Variants in GNG7 observed in about 807,000 individuals in gnomAD.
The protein encoded by GNG7 is guanine nucleotide-binding protein G(I)/G(S)/G(O) subunit gamma-7.
A neutral mutation model predicts 4.0 loss-of-function variants in GNG7; 1 was observed. The observed-to-expected ratio is 0.25, with a 90% CI of 0.09 to 1.18. The LOEUF is 1.18. Ranked by LOEUF, GNG7 falls within the 50% of genes most tolerant of loss-of-function variation. The pLI is 0.50. For synonymous variants in GNG7, 34 were observed against 36.9 expected (o/e 0.92, Z 0.29); for missense variants, 86 against 91.9 (o/e 0.94, Z 0.26).
chr19:2,659,592 T>TAAA (rs879035849), intron 1 of GNG7, among the ~76,000 whole-genome samples: 1 of 43,468 alleles, frequency 2.3e-5, no homozygotes, highest in East Asian at 9.6e-4. Context: ...GACTCCATCT[T>TAAA]AAAAAAAAAA....
chr19:2,520,466 G>A (rs915148848), intron 4 of GNG7, 142 bp downstream of exon 4: 68 of 589,266 alleles, frequency 1.2e-4, no homozygotes, highest in Middle Eastern at 4.5e-4. Context: ...GGCTCAGAGA[G>A]GTTAAGGGAG....
intron 1 of GNG7, among the ~76,000 whole-genome samples, chr19:2,698,215 C>T (rs1359333164): frequency 1.3e-5 from 2 of 150,194 alleles, no homozygotes; most frequent in African/African-American, 2.5e-5. Flanking sequence ...TGCAGTGAGC[C>T]GAGATCGCAC....
intron 1 of GNG7, among the ~76,000 whole-genome samples, chr19:2,694,216 ATT>A (rs550699599): frequency 6.9e-6 from 1 of 144,216 alleles, no homozygotes; most frequent in Non-Finnish European, 1.5e-5. Context: ...TTTTGGGGAG[ATT>A]TTTTTGTTGC....
In GNG7 at chr19:2,583,907, C is replaced by A. The variant is rs992008544; in HGVS notation, c.-77-28719G>T. On this transcript the variant is annotated intron_variant, in intron 2 of 4. Transcript: ENST00000382159. The stretch of plus-strand genomic sequence containing the variant: ...TAATATATTGCTAAATTAAAAAAAA[C>A]AGATTAAAGAACAGTATCAATAGTG... 5.9e-5 allele frequency among the ~76,000 whole-genome samples: 9 copies of A among 151,748 alleles called. No individual in the cohort carries two copies. In the South Asian group the frequency reaches 6.2e-4, roughly 11 times the overall value.
intron 2 of GNG7, among the ~76,000 whole-genome samples, chr19:2,574,389 C>G (rs749004182): frequency 2.6e-5 from 4 of 152,168 alleles, no homozygotes; most frequent in African/African-American, 9.6e-5. Flanking sequence ...ACTCCCTGTC[C>G]CCCTCCCCAG....
chr19:2,692,614 GAC>G (rs1568286677), intron 1 of GNG7, among the ~76,000 whole-genome samples: 1 of 141,234 alleles, frequency 7.1e-6, no homozygotes, highest in Non-Finnish European at 1.5e-5. Flanking sequence ...CAGCCTGGGC[GAC>G]AGAGTGAGAC....
chr19:2,614,145 G>A lies in GNG7; in HGVS notation c.-78+32079C>T, dbSNP rs1317797835. 6.6e-6 allele frequency among the ~76,000 whole-genome samples: 1 copy of A among 152,200 alleles called. No homozygotes were observed. The highest frequency in any genetic ancestry group is 1.5e-5 in the Non-Finnish European group (1 of 68,022). On this transcript the variant is annotated intron_variant, in intron 2 of 4. Transcript: ENST00000382159. This position sits in a 1 kb window ranked among gnomAD's most constrained non-coding sequence, Gnocchi z 6.0. ...CACCACCCGGTGAACGGCACTGGGAGCAGACTCAAGAGGCTCGAGAGGTCC... is the reference window on the plus strand; with the variant it reads ...CACCACCCGGTGAACGGCACTGGGAACAGACTCAAGAGGCTCGAGAGGTCC...
chr19:2,516,258 T>G (rs1310065157), intron 4 of GNG7, among the ~76,000 whole-genome samples: 1 of 151,982 alleles, frequency 6.6e-6, no homozygotes, highest in Non-Finnish European at 1.5e-5. Context: ...ATGTGTGTCT[T>G]TTCCCAAAAT....
intron 1 of GNG7, among the ~76,000 whole-genome samples, chr19:2,695,362 T>A (rs1170131505): frequency 6.6e-6 from 1 of 152,094 alleles, no homozygotes; most frequent in Non-Finnish European, 1.5e-5. Context: ...CCCACCTCTG[T>A]GCCACCCTGG....
chr19:2,663,247 TGA>T (rs1176960846), intron 1 of GNG7, among the ~76,000 whole-genome samples: 4 of 152,194 alleles, frequency 2.6e-5, no homozygotes, highest in Non-Finnish European at 1.5e-5. Flanking sequence ...GCCACCATGT[TGA>T]GAGGTGAGAA....
intron 3 of GNG7, among the ~76,000 whole-genome samples, chr19:2,526,474 AT>A (rs1307543834): frequency 6.8e-6 from 1 of 147,682 alleles, no homozygotes; most frequent in Non-Finnish European, 1.5e-5. Context: ...ACATATTTAT[AT>A]ATTTTATTAT....
chr19:2,574,009 G>A (rs567243074), intron 2 of GNG7, among the ~76,000 whole-genome samples: 265 of 152,260 alleles, frequency 1.7e-3, no homozygotes, highest in African/African-American at 4.3e-3. Context: ...GAGTTCTGCC[G>A]CCTCGGGGAG....
intron 3 of GNG7, among the ~76,000 whole-genome samples, chr19:2,530,762 C>T (rs1978556814): frequency 6.6e-6 from 1 of 152,138 alleles, no homozygotes; most frequent in East Asian, 1.9e-4. Context: ...AGCATCTGCT[C>T]AAGGGCCTGC....
chr19:2,619,448 T>C (rs1414903530), intron 2 of GNG7, among the ~76,000 whole-genome samples: 2 of 152,206 alleles, frequency 1.3e-5, no homozygotes, highest in Non-Finnish European at 2.9e-5. Flanking sequence ...ACATAGTAAG[T>C]TCATAGCAAG....
intron 2 of GNG7, among the ~76,000 whole-genome samples, chr19:2,590,865 T>TCACCCATCCATCCATC (rs1568254838): frequency 1.5e-5 from 2 of 132,982 alleles, no homozygotes; most frequent in Non-Finnish European, 3.3e-5. Context: ...ACCCATCCAT[T>TCACCCATCCATCCATC]CACCCATCCA....
At chr19:2,519,701 G>C (rs940835500) in intron 4 of GNG7, among the ~76,000 whole-genome samples, 2 of 151,880 alleles carry the variant, frequency 1.3e-5, no homozygotes, top group East Asian at 3.9e-4. Flanking sequence ...CAGTTGAAGG[G>C]CTTAAGAGAA....
intron 2 of GNG7, among the ~76,000 whole-genome samples, chr19:2,621,531 C>G (rs138748094): frequency 9.4e-4 from 142 of 151,830 alleles, no homozygotes; most frequent in Middle Eastern, 3.4e-3. Flanking sequence ...AACCTCATCT[C>G]TACTAAAAAC....
chr19:2,550,271 G>A (rs964456218), intron 3 of GNG7, among the ~76,000 whole-genome samples: 17 of 152,190 alleles, frequency 1.1e-4, no homozygotes, highest in African/African-American at 2.9e-4. Flanking sequence ...AGGCTGGAGT[G>A]CAGTGGCGCA....
At position 2,531,757 on chromosome 19, in the gene GNG7, C is replaced by T. The variant is rs146178453; in HGVS notation, c.-37-11032G>A. Among the ~76,000 whole-genome samples, 975 of 140,388 alleles carry T rather than the reference C, an allele frequency of 6.9e-3. 11 individuals carry two copies. The highest frequency in any genetic ancestry group is 0.025 in the African/African-American group (925 of 36,642). The allele number at this position is 140,388 out of a possible 152,430, so 92.1% of individuals were successfully genotyped here. On this transcript the variant is annotated intron_variant, in intron 3 of 4. Transcript: ENST00000382159. Reference sequence around the variant, plus strand: ...CTGCACTCCAGCCTGGGTAACAGAGCGAGACTCCGTCCCAAAAAAAAAAAA... The same window carrying T: ...CTGCACTCCAGCCTGGGTAACAGAGTGAGACTCCGTCCCAAAAAAAAAAAA...
Sources: gnomAD v4.1 joint callset for allele counts (sites outside exome capture counted in the v4.1 genomes callset) on GRCh38, gnomAD v4.1.1 for gene constraint, Gnocchi (gnomAD v3.1) non-coding constraint, MANE v1.5 for transcripts, NCBI Gene and HGNC (gene_info 2026-07-23, HGNC 2026-07-21) for gene names.